The following ARHGAP8 variants were observed in gnomAD, a reference collection of about 807,000 sequenced individuals.
ARHGAP8 encodes rho GTPase-activating protein 8.
Under a neutral mutation model 46.1 loss-of-function variants are expected in ARHGAP8, and 62 were observed. The ratio of observed to expected loss-of-function variants is 1.34; its 90% CI spans 1.10 to 1.66. The LOEUF is 1.66. ARHGAP8 is among the 40% of genes most tolerant of loss of function. ARHGAP8 has a pLI of 0.00. For missense variants in ARHGAP8, 923 were observed against 568.4 expected (o/e 1.62, Z -6.34); for synonymous variants, 375 against 243.1 (o/e 1.54, Z -5.05).
At chr22:44,753,979 A>T (rs1924461303) in intron 1 of ARHGAP8, among the ~76,000 whole-genome samples, 1 of 152,096 alleles carries the variant, frequency 6.6e-6, no homozygotes, top group African/African-American at 2.4e-5. Flanking sequence ...TCCTCATTCG[A>T]TTCACTGACT....
chr22:44,842,658 T>C lies in ARHGAP8; in HGVS notation c.597-2611T>C, dbSNP rs551477185. Among the ~76,000 whole-genome samples the C allele has an allele frequency of 1.9e-4, 29 of 151,938 alleles. 1 individual carries two copies. The highest frequency in any genetic ancestry group is 3.4e-3 in the Middle Eastern group (1 of 292). On this transcript the variant is annotated intron_variant, in intron 7 of 11. Transcript: ENST00000356099. The stretch of plus-strand genomic sequence containing the variant: ...ACATAGCTGATGCGTCAGCTGGAGG[T>C]GAGGGCCAGCTGGCACTGGCAGGCA...
In ARHGAP8 at chr22:44,862,638, G is replaced by A. The variant is rs1252053974; in HGVS notation, c.*43G>A. On this transcript the variant is annotated 3_prime_UTR_variant, in exon 12 of 12. Transcript: ENST00000356099. Reference sequence around the variant, plus strand: ...ATATTTCGAGCTACCTCCCACACCTGTCTGTGCACTTGTATGTTTTGTAAA... The same window carrying A: ...ATATTTCGAGCTACCTCCCACACCTATCTGTGCACTTGTATGTTTTGTAAA... The A allele has an allele frequency of 6.6e-7, 1 of 1,514,662 alleles. No individual in the cohort carries two copies. The allele number at this position is 1,514,662 out of a possible 1,614,324, so 93.8% of individuals were successfully genotyped here. A position where few individuals can be genotyped will look rare whatever the true frequency, so the allele number is the denominator to read the frequency against.
Position 44,859,632 on chromosome 22 carries a change from A to G in ARHGAP8, c.878-99A>G, listed in dbSNP as rs774098651. On this transcript the variant is annotated intron_variant, in intron 10 of 11. Transcript: ENST00000356099. ...CCCAAATGTGGGATAGTCCATCCTC[A>G]GAGCTGTCCTTCCTACACCCCTGTT... 121 of 1,318,530 alleles carry G rather than the reference A, an allele frequency of 9.2e-5. No homozygotes were observed. In the Admixed American group the frequency reaches 2.3e-3, roughly 25 times the overall value. The allele number at this position is 1,318,530 out of a possible 1,614,324, so 81.7% of individuals were successfully genotyped here.
chr22:44,828,122 G>A (rs1192082742), intron 7 of ARHGAP8, among the ~76,000 whole-genome samples: 3 of 152,208 alleles, frequency 2.0e-5, no homozygotes, highest in East Asian at 1.9e-4. Context: ...GCGCACACAC[G>A]AGGAGTTGTA....
rs71188484 is a variant in ARHGAP8 at position 44,772,223 on chromosome 22, C to CTTTTTTT, written c.-71-14210_-71-14204dup. On this transcript the variant is annotated intron_variant, in intron 1 of 11. Coordinates refer to ENST00000356099, the MANE Select transcript of ARHGAP8 (RefSeq NM_181335.3). The stretch of plus-strand genomic sequence containing the variant: ...TGTTTCTGTTTTACTACTGTTTTGC[C>CTTTTTTT]TTTTTTTTTTTTTTTTTTTTTTTTT... Among the ~76,000 whole-genome samples, 3 of 16,430 alleles carry CTTTTTTT rather than the reference C, an allele frequency of 1.8e-4. 1 individual carries two copies. Among genetic ancestry groups the CTTTTTTT allele is most frequent in the Non-Finnish European group, 3.3e-4 (2 of 6,092 alleles). The allele number at this position is 16,430 out of a possible 152,430, so 10.8% of individuals were successfully genotyped here.
At chr22:44,861,299 A>C (rs910119362) in intron 11 of ARHGAP8, among the ~76,000 whole-genome samples, 5 of 152,090 alleles carry the variant, frequency 3.3e-5, no homozygotes, top group Non-Finnish European at 4.4e-5. Context: ...GGAGAGACTG[A>C]TTTCTCTCTC....
chr22:44,784,634 T>C lies in ARHGAP8; in HGVS notation c.-71-1823T>C, dbSNP rs535011165. Among the ~76,000 whole-genome samples the C allele has an allele frequency of 2.0e-5, 3 of 152,286 alleles. No homozygotes were observed. The South Asian group carries it at 6.2e-4, about 32-fold the overall frequency. ...AGGATACTGAGAGACAACTGTACTTTGGGCCCAACTGGATAATCCACGATA... is the reference window on the plus strand; with the variant it reads ...AGGATACTGAGAGACAACTGTACTTCGGGCCCAACTGGATAATCCACGATA... On this transcript the variant is annotated intron_variant, in intron 1 of 11. Coordinates refer to ENST00000356099, the MANE Select transcript of ARHGAP8 (RefSeq NM_181335.3).
chr22:44,792,814 T>G (rs914725053), intron 2 of ARHGAP8, among the ~76,000 whole-genome samples: 14 of 74,910 alleles, frequency 1.9e-4, no homozygotes, highest in South Asian at 5.8e-4. Flanking sequence ...GGTGGTGGTT[T>G]TTTTTGTTTT....
intron 5 of ARHGAP8, among the ~76,000 whole-genome samples, chr22:44,816,623 A>C (rs1295159762): frequency 6.6e-6 from 1 of 151,950 alleles, no homozygotes; most frequent in African/African-American, 2.4e-5. Context: ...CCTGGGCAAG[A>C]AAGTGAGCCC....
At chr22:44,781,440 C>A (rs573943104) in intron 1 of ARHGAP8, among the ~76,000 whole-genome samples, 4 of 152,254 alleles carry the variant, frequency 2.6e-5, no homozygotes, top group African/African-American at 4.8e-5. Flanking sequence ...CTGCCTCATC[C>A]TGTTTCCTTA....
Position 44,786,623 on chromosome 22 carries a change from G to A in ARHGAP8, c.79+17G>A. The A allele has an allele frequency of 6.2e-7, 1 of 1,610,572 alleles. No homozygotes were observed. The highest frequency in any genetic ancestry group is 1.3e-5 in the African/African-American group (1 of 74,992). On this transcript the variant is annotated intron_variant, in intron 2 of 11. Coordinates refer to ENST00000356099, the MANE Select transcript of ARHGAP8 (RefSeq NM_181335.3). ...AGGTGGCAGGTAGGGCCCCAGCTGG[G>A]CAGTCTGCAGGACCATGGGCAGAGC...
chr22:44,810,225 C>T (rs1929236543), intron 4 of ARHGAP8, among the ~76,000 whole-genome samples: 1 of 149,106 alleles, frequency 6.7e-6, no homozygotes, highest in African/African-American at 2.5e-5. Flanking sequence ...AAAGGATCTG[C>T]ATATGGCAGC....
rs144561438 is a variant in ARHGAP8, at chr22:44,794,726, T to C, written c.80-7351T>C. 4.7e-5 allele frequency among the ~76,000 whole-genome samples: 7 copies of C among 148,110 alleles called. No homozygotes were observed. In the East Asian group the frequency reaches 1.4e-3, roughly 30 times the overall value. ...CTCCGTCTCAGAAAAATAATAATAA[T>C]AATAATATACTTTATTATGGAAATT... On this transcript the variant is annotated intron_variant, in intron 2 of 11. Transcript: ENST00000356099.
chr22:44,855,661 A>C (rs1419861995), intron 10 of ARHGAP8, among the ~76,000 whole-genome samples: 1 of 152,106 alleles, frequency 6.6e-6, no homozygotes. Flanking sequence ...GGTGTACCTA[A>C]TCCAATGTAA....
intron 10 of ARHGAP8, among the ~76,000 whole-genome samples, chr22:44,854,793 C>G (rs1055590357): frequency 5.3e-5 from 8 of 151,866 alleles, no homozygotes; most frequent in Non-Finnish European, 7.4e-5. Context: ...CACCGGCCAT[C>G]TTGCCTGGCT....
chr22:44,818,899 A>G (rs1602221718), intron 5 of ARHGAP8, among the ~76,000 whole-genome samples: 1 of 151,810 alleles, frequency 6.6e-6, no homozygotes, highest in Non-Finnish European at 1.5e-5. Context: ...GGGTCTCGCT[A>G]TGTTGCCCAG....
At chr22:44,859,996 G>A (rs1601534770) in intron 11 of ARHGAP8, among the ~76,000 whole-genome samples, 162 bp downstream of exon 11, 1 of 144,722 alleles carries the variant, frequency 6.9e-6, no homozygotes, top group African/African-American at 2.5e-5. Flanking sequence ...CCAAGGCCTG[G>A]TCAGGCACCC....
rs376132233 is a variant in ARHGAP8 at position 44,859,728 on chromosome 22, C to T, written c.878-3C>T. Reference sequence around the variant, plus strand: ...CTCAGCAGGGAGCCCCATGCCCTTCCAGGTGTGGAGAGCAGCCTGCGTGTC... The same window carrying T: ...CTCAGCAGGGAGCCCCATGCCCTTCTAGGTGTGGAGAGCAGCCTGCGTGTC... On this transcript the variant is annotated splice_polypyrimidine_tract_variant and splice_region_variant and intron_variant, in intron 10 of 11. Transcript: ENST00000356099. 59 of 1,613,284 alleles carry T rather than the reference C, an allele frequency of 3.7e-5. No homozygotes were observed. The highest frequency in any genetic ancestry group is 1.2e-5 in the Non-Finnish European group (14 of 1,180,024).
chr22:44,835,389 G>A (rs913281937), intron 7 of ARHGAP8, among the ~76,000 whole-genome samples: 1 of 152,092 alleles, frequency 6.6e-6, no homozygotes, highest in African/African-American at 2.4e-5. Context: ...GGAGGCCGAG[G>A]TGGGCGGATC....
Sources: allele counts gnomAD v4.1 joint callset (sites outside exome capture counted in the v4.1 genomes callset), GRCh38; gene constraint gnomAD v4.1.1; transcripts MANE v1.5; gene names NCBI Gene and HGNC (gene_info 2026-07-23, HGNC 2026-07-21).